The following RAB28 variants were observed in gnomAD, a reference collection of about 807,000 sequenced individuals.
The protein encoded by RAB28 is RAB28, member RAS oncogene family.
In RAB28, 24 loss-of-function variants were observed where a neutral mutation model predicts 31.7. The observed-to-expected ratio is 0.76, with a 90% CI of 0.55 to 1.06. The LOEUF (loss-of-function observed/expected upper bound fraction) is 1.06. RAB28 is among the 50% of genes least tolerant of loss of function. The probability of loss-of-function intolerance (pLI) is 0.00; values close to 1 mark genes in which losing one functional copy is unlikely to be tolerated. For missense variants in RAB28, 254 were observed against 258.5 expected (o/e 0.98, Z 0.12); for synonymous variants, 100 against 90.4 (o/e 1.11, Z -0.60).
At chr4:13,435,459 T>A in intron 4 of RAB28, among the ~76,000 whole-genome samples, 1 of 150,692 alleles carries the variant, frequency 6.6e-6, no homozygotes, top group Non-Finnish European at 1.5e-5. Context: ...TTTGAAAAAA[T>A]AAACAAGACT....
intron 4 of RAB28, among the ~76,000 whole-genome samples, chr4:13,448,605 G>C (rs1490953271): frequency 6.6e-6 from 1 of 152,016 alleles, no homozygotes; most frequent in Non-Finnish European, 1.5e-5. Context: ...GTTTTTGATT[G>C]ATATTATGAA....
At chr4:13,468,064 A>G (rs979379085) in intron 3 of RAB28, among the ~76,000 whole-genome samples, 3 of 151,978 alleles carry the variant, frequency 2.0e-5, no homozygotes, top group Non-Finnish European at 2.9e-5. Context: ...AGAAGACATA[A>G]CAATCCTCTC....
In RAB28 at chr4:13,479,441, A is replaced by G; in HGVS notation, c.161T>C (p.Ile54Thr). 1.3e-6 allele frequency: 2 copies of G among 1,599,754 alleles called. No individual in the cohort carries two copies. The highest frequency in any genetic ancestry group is 1.7e-6 in the Non-Finnish European group (2 of 1,168,944). The change falls in exon 2 of 7, where the codon ATA (isoleucine) becomes ACA (threonine). Residue 54 changes from isoleucine to threonine, a missense_variant. Transcript: ENST00000330852. ...TTTTAGTCTCTTACCTGGCAATGTT[A>G]TCCTTCTCAAAAAGAAATCCAGTCC... ...TIGLDFFLRR[I>T]TLPGNLNVTL...
chr4:13,475,031 C>T (rs1026568316), intron 2 of RAB28, among the ~76,000 whole-genome samples: 6 of 151,616 alleles, frequency 4.0e-5, no homozygotes, highest in Admixed American at 4.0e-4. Context: ...ACGTAGGATA[C>T]ATACCATGTA....
intron 6 of RAB28, chr4:13,369,935 G>T (rs1375876532): frequency 3.7e-6 from 6 of 1,611,636 alleles, no homozygotes; most frequent in South Asian, 3.3e-5. Context: ...TCTTCTTCCG[G>T]GTACTTCACT....
Position 13,460,872 on chromosome 4 carries a change from T to C in RAB28, c.262-44A>G, listed in dbSNP as rs767846550. On this transcript the variant is annotated intron_variant, in intron 3 of 6. Coordinates refer to ENST00000330852, the MANE Select transcript of RAB28 (RefSeq NM_001017979.3). ...AAAATATCTGTAATGTATTATTTGG[T>C]GAAAAAATCTTAATGAATACTTGCG... is the stretch of plus-strand genomic sequence containing the variant. 4 of 1,567,586 alleles carry C rather than the reference T, an allele frequency of 2.6e-6. No homozygotes were observed. The Admixed American group carries it at 5.5e-5, about 22-fold the overall frequency.
Position 13,445,993 on chromosome 4 carries a change from T to C in RAB28, c.391+14706A>G, listed in dbSNP as rs78673631. On this transcript the variant is annotated intron_variant, in intron 4 of 6. Transcript: ENST00000330852. ...TGCAGCCGCCCCTCCCCCCAGGTGC[T>C]CTATCCAAGGGAGATGAGAGTTCTA... 1.2e-3 allele frequency among the ~76,000 whole-genome samples: 184 copies of C among 152,192 alleles called. 1 individual carries two copies. In the East Asian group the frequency reaches 0.015, roughly 12 times the overall value.
intron 1 of RAB28, 52 bp downstream of exon 1, chr4:13,484,024 G>A (rs565157752): frequency 8.0e-6 from 12 of 1,509,016 alleles, no homozygotes; most frequent in East Asian, 4.9e-5. Context: ...GGAGGCCGGG[G>A]ACCGCCGGGG....
intron 6 of RAB28, chr4:13,371,159 T>C (rs926930768): frequency 2.0e-6 from 2 of 985,372 alleles, no homozygotes; most frequent in East Asian, 2.3e-4. Context: ...CATACGAACA[T>C]ATTAGCCTTG....
intron 4 of RAB28, among the ~76,000 whole-genome samples, chr4:13,453,631 T>C (rs1431691948): frequency 2.6e-5 from 4 of 152,158 alleles, no homozygotes; most frequent in African/African-American, 4.8e-5. Flanking sequence ...GTTTTTTTTT[T>C]CTTTCAGAAC....
At chr4:13,443,116 T>A (rs1714509841) in intron 4 of RAB28, among the ~76,000 whole-genome samples, 1 of 152,196 alleles carries the variant, frequency 6.6e-6, no homozygotes, top group Admixed American at 6.5e-5. Flanking sequence ...GAGCTTCAAG[T>A]TAGGGCTATG....
intron 4 of RAB28, among the ~76,000 whole-genome samples, chr4:13,418,442 A>T (rs1333744344): frequency 2.0e-5 from 3 of 152,142 alleles, no homozygotes; most frequent in Non-Finnish European, 4.4e-5. Flanking sequence ...ACCCCAAGAC[A>T]CATAATTGTC....
chr4:13,482,300 C>A (rs571348243), intron 1 of RAB28, among the ~76,000 whole-genome samples: 1 of 151,974 alleles, frequency 6.6e-6, no homozygotes, highest in African/African-American at 2.4e-5. Flanking sequence ...AAAACTCAGA[C>A]GCAAAATTAT....
At chr4:13,481,263 CA>C (rs1487546450) in intron 1 of RAB28, among the ~76,000 whole-genome samples, 1 of 151,870 alleles carries the variant, frequency 6.6e-6, no homozygotes, top group Non-Finnish European at 1.5e-5. Context: ...TGTAAACTGT[CA>C]AAAATACAGG....
chr4:13,406,164 G>A lies in RAB28; in HGVS notation c.392-24570C>T, dbSNP rs374044458. ...TATCCCTCTCCTAGCCCCCCACCCCGCTACAGGCCCCGGTGTGTGATGTTC... is the reference window on the plus strand; with the variant it reads ...TATCCCTCTCCTAGCCCCCCACCCCACTACAGGCCCCGGTGTGTGATGTTC... On this transcript the variant is annotated intron_variant, in intron 4 of 6. Transcript: ENST00000330852. Among the ~76,000 whole-genome samples, 27 of 151,974 alleles carry A rather than the reference G, an allele frequency of 1.8e-4. No individual in the cohort carries two copies. In the East Asian group the frequency reaches 4.1e-3, roughly 23 times the overall value.
intron 2 of RAB28, among the ~76,000 whole-genome samples, chr4:13,477,005 G>A (rs1195654073): frequency 6.6e-6 from 1 of 151,450 alleles, no homozygotes; most frequent in Non-Finnish European, 1.5e-5. Flanking sequence ...TTAAAGTGCT[G>A]CATAGTCAAG....
intron 4 of RAB28, among the ~76,000 whole-genome samples, chr4:13,415,535 C>T (rs1225043969): frequency 6.6e-6 from 1 of 152,112 alleles, no homozygotes; most frequent in African/African-American, 2.4e-5. Flanking sequence ...GCTTAGCACC[C>T]AGGCCAGTGG....
At chr4:13,463,651 A>G (rs192336100) in intron 3 of RAB28, among the ~76,000 whole-genome samples, 153 of 149,590 alleles carry the variant, frequency 1.0e-3, no homozygotes, top group African/African-American at 3.7e-3. Context: ...ATCTTCCAGG[A>G]TTCACAAAAA....
chr4:13,464,983 T>C (rs1381004962), intron 3 of RAB28, among the ~76,000 whole-genome samples: 1 of 151,940 alleles, frequency 6.6e-6, no homozygotes, highest in East Asian at 1.9e-4. Context: ...AACAAAATGC[T>C]AGATATCAAA....
Sources: allele counts gnomAD v4.1 joint callset (sites outside exome capture counted in the v4.1 genomes callset), GRCh38; gene constraint gnomAD v4.1.1; transcripts MANE v1.5; gene names NCBI Gene and HGNC (gene_info 2026-07-23, HGNC 2026-07-21).